CSRP3: variants seen among roughly 807,000 people sequenced by gnomAD.
CSRP3 encodes cysteine and glycine-rich protein 3.
Under a neutral mutation model 24.3 loss-of-function variants are expected in CSRP3, and 24 were observed. The observed-to-expected ratio is 0.99, with a 90% CI of 0.71 to 1.39. CSRP3 has a LOEUF of 1.39. Ranked by LOEUF, CSRP3 falls within the 40% of genes most tolerant of loss-of-function variation. The pLI is 0.00. For missense variants in CSRP3, 240 were observed against 249.0 expected, an observed-to-expected ratio of 0.96 and a Z score of 0.24; for synonymous variants, 105 against 94.0, an observed-to-expected ratio of 1.12 and a Z score of -0.68.
chr11:19,186,762 G>A (rs576409899), intron 3 of CSRP3, among the ~76,000 whole-genome samples: 1 of 152,194 alleles, frequency 6.6e-6, no homozygotes, highest in Non-Finnish European at 1.5e-5. Context: ...AAATTACAGA[G>A]CAAGGTGGGA....
At chr11:19,196,593 A>G (rs911079947) in intron 1 of CSRP3, among the ~76,000 whole-genome samples, 1 of 152,158 alleles carries the variant, frequency 6.6e-6, no homozygotes, top group African/African-American at 2.4e-5. Context: ...CACTCCCAGA[A>G]TGTGAGCTTA....
At chr11:19,185,739 A>G (rs769473796) in intron 4 of CSRP3, among the ~76,000 whole-genome samples, 3 of 152,218 alleles carry the variant, frequency 2.0e-5, no homozygotes, top group African/African-American at 4.8e-5. Context: ...TGGAACTTGC[A>G]GAGCACATAT....
intron 3 of CSRP3, among the ~76,000 whole-genome samples, chr11:19,186,860 C>T (rs1850534859): frequency 6.6e-6 from 1 of 152,226 alleles, no homozygotes; most frequent in African/African-American, 2.4e-5. Context: ...GTCGTCCTGC[C>T]TCCAAGGGTC....
At chr11:19,195,714 G>T (rs1206523091) in intron 1 of CSRP3, among the ~76,000 whole-genome samples, 3 of 149,732 alleles carry the variant, frequency 2.0e-5, no homozygotes, top group South Asian at 4.2e-4. Context: ...TGTGTGTGTG[G>T]ATTCATTGCC....
intron 2 of CSRP3, among the ~76,000 whole-genome samples, chr11:19,189,946 A>G (rs1850588909): frequency 6.6e-6 from 1 of 152,194 alleles, no homozygotes; most frequent in Non-Finnish European, 1.5e-5. Flanking sequence ...ACTGTCAGTT[A>G]CCAACCTCCA....
intron 4 of CSRP3, 96 bp from the exon 5 acceptor site, chr11:19,185,141 C>A (rs7103903): frequency 1.1e-5 from 10 of 909,082 alleles, no homozygotes; most frequent in Admixed American, 3.8e-5. Flanking sequence ...AGGAGTGACA[C>A]GTCTTAACCA....
At chr11:19,187,481 T>A (rs552592368) in intron 3 of CSRP3, among the ~76,000 whole-genome samples, 1 of 152,306 alleles carries the variant, frequency 6.6e-6, no homozygotes, top group East Asian at 1.9e-4. Context: ...CAGACTTTCC[T>A]CAATTCTGGG....
intron 2 of CSRP3, among the ~76,000 whole-genome samples, chr11:19,191,666 G>C (rs998236250): frequency 3.3e-5 from 5 of 152,178 alleles, no homozygotes; most frequent in African/African-American, 1.2e-4. Context: ...CGAAAGTCAC[G>C]TGAGTCAGGC....
chr11:19,197,511 C>CT (rs760913038), intron 1 of CSRP3, among the ~76,000 whole-genome samples: 1 of 100,434 alleles, frequency 1.0e-5, no homozygotes, highest in Non-Finnish European at 2.0e-5. Context: ...CTCTTTCTTT[C>CT]TTTCTTTCTT....
At chr11:19,188,613 A>AGAGT (rs1850568605) in intron 2 of CSRP3, among the ~76,000 whole-genome samples, 1 of 140,874 alleles carries the variant, frequency 7.1e-6, no homozygotes, top group African/African-American at 2.6e-5. Flanking sequence ...ACATCAGGGA[A>AGAGT]GTGTGTGTGT....
chr11:19,185,636 C>T (rs112688089), intron 4 of CSRP3, among the ~76,000 whole-genome samples: 159 of 152,312 alleles, frequency 1.0e-3, no homozygotes, highest in African/African-American at 3.3e-3. Flanking sequence ...ATGCTCCCCA[C>T]GGCCCTTCCT....
At chr11:19,201,726 T>G (rs754457310) in intron 1 of CSRP3, among the ~76,000 whole-genome samples, 1 of 152,230 alleles carries the variant, frequency 6.6e-6, no homozygotes, top group Non-Finnish European at 1.5e-5. Flanking sequence ...TATCTGCCTA[T>G]GAGGTCCCTT....
chr11:19,189,871 T>C (rs1850587781), intron 2 of CSRP3, among the ~76,000 whole-genome samples: 1 of 152,182 alleles, frequency 6.6e-6, no homozygotes, highest in Non-Finnish European at 1.5e-5. Flanking sequence ...GAAGATGAAT[T>C]TGGGGGGAGA....
At chr11:19,188,382 G>C (rs1446675747) in intron 2 of CSRP3, 78 bp from the exon 3 acceptor site, 11 of 1,532,166 alleles carry the variant, frequency 7.2e-6, no homozygotes, top group African/African-American at 2.7e-5. Context: ...GCCATGCTCG[G>C]GGCCAGAGAC....
intron 1 of CSRP3, among the ~76,000 whole-genome samples, chr11:19,197,427 T>TTCCC (rs1850745712): frequency 8.1e-6 from 1 of 123,272 alleles, no homozygotes; most frequent in African/African-American, 3.1e-5. Context: ...CCTTCCTTCC[T>TTCCC]TCCCTCCTTC....
At chr11:19,194,969 T>A (rs950066853) in intron 1 of CSRP3, among the ~76,000 whole-genome samples, 1 of 151,870 alleles carries the variant, frequency 6.6e-6, no homozygotes, top group African/African-American at 2.4e-5. Context: ...GTGAGAAAAA[T>A]AGACAAGATT....
chr11:19,188,034 G>A, intron 3 of CSRP3, 102 bp downstream of exon 3: 1 of 1,373,240 alleles, frequency 7.3e-7, no homozygotes, highest in Non-Finnish European at 1.0e-6. Context: ...CAACAATAGA[G>A]TCCATTCTCC....
chr11:19,184,848 C>T, intron 5 of CSRP3, 104 bp downstream of exon 5: 1 of 884,232 alleles, frequency 1.1e-6, no homozygotes, highest in South Asian at 1.4e-5. Context: ...AGCAGCCATA[C>T]CTCCTGGAAG....
chr11:19,188,613 A>AGTGTGTGTGTGTGTGTGTGT (rs138192808), intron 2 of CSRP3, among the ~76,000 whole-genome samples: 135 of 140,952 alleles, frequency 9.6e-4, no homozygotes, highest in African/African-American at 3.4e-3. Flanking sequence ...ACATCAGGGA[A>AGTGTGTGTGTGTGTGTGTGT]GTGTGTGTGT....
Sources: gnomAD v4.1 joint callset for allele counts (sites outside exome capture counted in the v4.1 genomes callset) on GRCh38, gnomAD v4.1.1 for gene constraint, MANE v1.5 for transcripts, NCBI Gene and HGNC (gene_info 2026-07-23, HGNC 2026-07-21) for gene names.